Variants in TSPEAR observed in about 807,000 individuals in gnomAD.
TSPEAR encodes thrombospondin type laminin G domain and EAR repeats.
In TSPEAR, 69 loss-of-function variants were observed where a neutral mutation model predicts 71.6. That is an observed-to-expected ratio of 0.96 (90% CI 0.79 to 1.18). The LOEUF (loss-of-function observed/expected upper bound fraction) is 1.18, where lower values mean the gene tolerates loss of function less well. Ranked by LOEUF, TSPEAR falls within the 50% of genes most tolerant of loss-of-function variation. TSPEAR has a pLI of 0.00. For missense variants in TSPEAR, 971 were observed against 894.9 expected (o/e 1.09, Z -1.09); for synonymous variants, 402 against 387.2 (o/e 1.04, Z -0.45).
intron 1 of TSPEAR, among the ~76,000 whole-genome samples, chr21:44,688,926 G>A (rs1444841636): frequency 1.3e-5 from 2 of 152,108 alleles, no homozygotes; most frequent in African/African-American, 2.4e-5. Flanking sequence ...ACCAGGCACA[G>A]TTCTCTCATG....
intron 1 of TSPEAR, among the ~76,000 whole-genome samples, chr21:44,618,536 G>A (rs1161213207): frequency 6.6e-6 from 1 of 152,194 alleles, no homozygotes; most frequent in Non-Finnish European, 1.5e-5. Flanking sequence ...TCAAGTAAAA[G>A]CAACAGAGCC....
At chr21:44,685,088 A>G (rs1340146230) in intron 1 of TSPEAR, among the ~76,000 whole-genome samples, 1 of 152,016 alleles carries the variant, frequency 6.6e-6, no homozygotes, top group Non-Finnish European at 1.5e-5. Flanking sequence ...CTGAGACCCC[A>G]CTTGGTCTTC....
intron 2 of TSPEAR, chr21:44,538,859 T>G: frequency 4.2e-6 from 1 of 239,332 alleles, no homozygotes; most frequent in Non-Finnish European, 8.2e-6. Flanking sequence ...CCTGGAGGAG[T>G]TAGGCCACTG....
chr21:44,517,296 C>G (rs1228238811), intron 9 of TSPEAR: 1 of 157,952 alleles, frequency 6.3e-6, no homozygotes, highest in African/African-American at 2.4e-5. Context: ...CCTGGGCTTG[C>G]CAGTGCACCC....
chr21:44,532,576 G>A (rs587682878), intron 3 of TSPEAR, among the ~76,000 whole-genome samples: 3 of 152,296 alleles, frequency 2.0e-5, no homozygotes, highest in Admixed American at 6.5e-5. Context: ...ATATTTATGC[G>A]ATAAGTTTCA....
chr21:44,702,621 C>T, intron 1 of TSPEAR: 2 of 1,602,450 alleles, frequency 1.2e-6, no homozygotes, highest in East Asian at 2.2e-5. Context: ...CTGTGTCCCT[C>T]CTCTGCCACC....
intron 9 of TSPEAR, among the ~76,000 whole-genome samples, chr21:44,511,759 T>G (rs1393203173): frequency 1.3e-5 from 2 of 152,254 alleles, no homozygotes; most frequent in African/African-American, 4.8e-5. Context: ...CCTGATGGAC[T>G]GCCGGGGCCA....
chr21:44,682,530 G>T (rs140181713), intron 1 of TSPEAR, among the ~76,000 whole-genome samples: 76 of 152,326 alleles, frequency 5.0e-4, no homozygotes, highest in African/African-American at 1.8e-3. Flanking sequence ...TTGGGGAAGA[G>T]ACCAGAACTG....
chr21:44,539,222 T>C, intron 2 of TSPEAR: 5 of 1,555,998 alleles, frequency 3.2e-6, no homozygotes, highest in Non-Finnish European at 3.5e-6. Context: ...GGAAGCCACC[T>C]AACCCAGGTC....
intron 1 of TSPEAR, among the ~76,000 whole-genome samples, chr21:44,708,679 C>T (rs1270820034): frequency 1.3e-5 from 2 of 152,216 alleles, no homozygotes; most frequent in Non-Finnish European, 2.9e-5. Flanking sequence ...CTCAGCCCAC[C>T]CTGGGGTCTC....
At chr21:44,677,802 T>TGGC (rs2081781426) in intron 1 of TSPEAR, 1 of 1,287,642 alleles carries the variant, frequency 7.8e-7, no homozygotes, top group Non-Finnish European at 1.1e-6. Flanking sequence ...TGGAACATTA[T>TGGC]AAGGTGCAGA....
chr21:44,512,972 C>G (rs2052436683), intron 9 of TSPEAR, among the ~76,000 whole-genome samples: 1 of 152,208 alleles, frequency 6.6e-6, no homozygotes, highest in Non-Finnish European at 1.5e-5. Context: ...CAGCGAGGGT[C>G]TGTGCACCAG....
intron 6 of TSPEAR, 58 bp downstream of exon 6, chr21:44,528,394 G>A: frequency 1.2e-6 from 2 of 1,608,006 alleles, no homozygotes; most frequent in Non-Finnish European, 1.7e-6. Flanking sequence ...TCCACTCCCA[G>A]TCACACTGTG....
intron 3 of TSPEAR, among the ~76,000 whole-genome samples, chr21:44,532,047 C>T (rs1384243177): frequency 6.6e-6 from 1 of 152,254 alleles, no homozygotes; most frequent in Non-Finnish European, 1.5e-5. Context: ...AAGCCCCGTC[C>T]TCTGCACACA....
chr21:44,627,600 C>T lies in TSPEAR; in HGVS notation c.83-59595G>A, dbSNP rs782691873. On this transcript the variant is annotated intron_variant, in intron 1 of 11. Coordinates refer to ENST00000323084, the MANE Select transcript of TSPEAR (RefSeq NM_144991.3). ...CCTGCCAGCCGGCCTGCTGTGTGCCCGTCTGCTGCAAACCTGTGTGCTGTG... is the reference window on the plus strand; with the variant it reads ...CCTGCCAGCCGGCCTGCTGTGTGCCTGTCTGCTGCAAACCTGTGTGCTGTG... 5.2e-5 allele frequency: 84 copies of T among 1,612,756 alleles called. No homozygotes were observed. The South Asian group carries it at 5.4e-4, about 10-fold the overall frequency.
intron 1 of TSPEAR, among the ~76,000 whole-genome samples, chr21:44,653,059 G>A (rs2146253573): frequency 6.6e-6 from 1 of 152,270 alleles, no homozygotes; most frequent in East Asian, 1.9e-4. Context: ...TCGGGAGGCT[G>A]AGGCAGAAGA....
At chr21:44,651,492 C>A (rs587680730) in intron 1 of TSPEAR, among the ~76,000 whole-genome samples, 1 of 152,268 alleles carries the variant, frequency 6.6e-6, no homozygotes, top group East Asian at 1.9e-4. Context: ...CTTCGGGAGG[C>A]TGCAGGAGAG....
intron 1 of TSPEAR, among the ~76,000 whole-genome samples, chr21:44,571,178 C>A (rs2053790074): frequency 6.6e-6 from 1 of 152,236 alleles, no homozygotes; most frequent in Non-Finnish European, 1.5e-5. Flanking sequence ...CCAAAATCCT[C>A]AATAAAATAT....
At chr21:44,591,309 C>T in intron 1 of TSPEAR, 1 of 1,520,738 alleles carries the variant, frequency 6.6e-7, no homozygotes, top group Middle Eastern at 2.0e-4. Context: ...GTGTCAAAGC[C>T]AGAGAGGGCA....
Sources: allele counts gnomAD v4.1 joint callset (sites outside exome capture counted in the v4.1 genomes callset), GRCh38; gene constraint gnomAD v4.1.1; transcripts MANE v1.5; gene names NCBI Gene and HGNC (gene_info 2026-07-23, HGNC 2026-07-21).